Variants in POU2AF1 observed in about 807,000 individuals in gnomAD.
POU2AF1 encodes POU domain class 2-associating factor 1.
A neutral mutation model predicts 26.3 loss-of-function variants in POU2AF1; 12 were observed. The observed-to-expected ratio is 0.46, with a 90% CI of 0.29 to 0.74. The LOEUF is 0.74. POU2AF1 is among the 30% of genes least tolerant of loss of function. The pLI, the probability that POU2AF1 is intolerant of heterozygous loss-of-function variation, is 0.09. For missense variants in POU2AF1, 297 were observed against 334.5 expected (o/e 0.89, Z 0.87); for synonymous variants, 175 against 148.0 (o/e 1.18, Z -1.32).
intron 1 of POU2AF1, chr11:111,364,113 A>G (rs1031148293): frequency 6.4e-5 from 33 of 518,108 alleles, no homozygotes; most frequent in Admixed American, 6.4e-5. Context: ...TGTAGGTACA[A>G]AAAGTCAGCA....
At chr11:111,372,811 A>T (rs1861237991) in intron 1 of POU2AF1, among the ~76,000 whole-genome samples, 1 of 152,226 alleles carries the variant, frequency 6.6e-6, no homozygotes, top group Non-Finnish European at 1.5e-5. Context: ...GTAGATAGAA[A>T]TGGCATCAGA....
In POU2AF1 at chr11:111,356,196, G is replaced by C. The variant is rs376088324; in HGVS notation, c.456+1249C>G. Among the ~76,000 whole-genome samples, 117 of 152,340 alleles carry C rather than the reference G, an allele frequency of 7.7e-4. 1 individual carries two copies. The highest frequency in any genetic ancestry group is 2.7e-3 in the African/African-American group (112 of 41,578). On this transcript the variant is annotated intron_variant, in intron 4 of 4. Coordinates refer to ENST00000393067, the MANE Select transcript of POU2AF1 (RefSeq NM_006235.3). ...GGGATAAATAATGAAAGGAATCCTTGGTAATGAAATGGGTGGGAGCCGTGA... is the reference window on the plus strand; with the variant it reads ...GGGATAAATAATGAAAGGAATCCTTCGTAATGAAATGGGTGGGAGCCGTGA...
chr11:111,358,693 C>CAT (rs1860938537), intron 2 of POU2AF1, 95 bp downstream of exon 2: 2 of 1,160,388 alleles, frequency 1.7e-6, no homozygotes, highest in Non-Finnish European at 2.4e-6. Flanking sequence ...CACGCATACA[C>CAT]ATACTCACAC....
At position 111,377,200 on chromosome 11, in the gene POU2AF1, C is replaced by G. The variant is rs188654263; in HGVS notation, c.16+1962G>C. Among the ~76,000 whole-genome samples the G allele has an allele frequency of 2.5e-3, 343 of 137,354 alleles. 1 individual carries two copies. Among genetic ancestry groups the G allele is most frequent in the Middle Eastern group, 0.018 (5 of 278 alleles). The allele number at this position is 137,354 out of a possible 152,430, so 90.1% of individuals were successfully genotyped here. On this transcript the variant is annotated intron_variant, in intron 1 of 4. Transcript: ENST00000393067. ...CAGGCTGAACAACATAGTAAAACACCATCTCTACTAAAAATACAAAAAAAA... is the reference window on the plus strand; with the variant it reads ...CAGGCTGAACAACATAGTAAAACACGATCTCTACTAAAAATACAAAAAAAA...
chr11:111,363,313 T>G, intron 1 of POU2AF1: 4 of 1,025,674 alleles, frequency 3.9e-6, no homozygotes, highest in Non-Finnish European at 4.7e-6. Flanking sequence ...GTGCTTCTCA[T>G]AGTGACTTTG....
At position 111,353,060 on chromosome 11, in the gene POU2AF1, A is replaced by C; in HGVS notation, c.*1201T>G. The C allele has an allele frequency of 4.7e-6, 1 of 214,646 alleles. No homozygotes were observed. 13.3% of individuals were successfully genotyped at this position (214,646 alleles called of 1,614,324 possible). A position where few individuals can be genotyped will look rare whatever the true frequency, so the allele number is the denominator to read the frequency against. On this transcript the variant is annotated 3_prime_UTR_variant, in exon 5 of 5. Coordinates refer to ENST00000393067, the MANE Select transcript of POU2AF1 (RefSeq NM_006235.3). ...AAGGAAGGAAGGAAGGAAGGAAAGA[A>C]ACAAAACCCACATGGTAGCACTAAG...
intron 1 of POU2AF1, among the ~76,000 whole-genome samples, chr11:111,364,583 A>G (rs7126478): frequency 5.3e-5 from 8 of 152,178 alleles, no homozygotes; most frequent in African/African-American, 1.9e-4. Context: ...ATTCCCTAAA[A>G]CAGCCTCCAA....
intron 1 of POU2AF1, among the ~76,000 whole-genome samples, chr11:111,373,579 T>C (rs1209549254): frequency 6.6e-6 from 1 of 152,218 alleles, no homozygotes; most frequent in Admixed American, 6.5e-5. Flanking sequence ...ACTCAGCAAT[T>C]AGAGCTGGCA....
In POU2AF1 at chr11:111,354,557, G is replaced by A; in HGVS notation, c.475C>T (p.Pro159Ser). Residue 159 changes from proline to serine, a missense_variant, in exon 5 of 5, where the codon CCC (proline) becomes TCC (serine). Coordinates refer to ENST00000393067, the MANE Select transcript of POU2AF1 (RefSeq NM_006235.3). ...TNVTTRSSAT[P>S]AVGPPLEGPE... Reference sequence around the variant, plus strand: ...CCCTCCAGCGGGGGCCCCACTGCGGGCGTGGCGGAGCTTCTTGTCTGTGAC... The same window carrying A: ...CCCTCCAGCGGGGGCCCCACTGCGGACGTGGCGGAGCTTCTTGTCTGTGAC... 1 of 1,531,146 alleles carries A rather than the reference G, an allele frequency of 6.5e-7. No individual in the cohort carries two copies. The highest frequency in any genetic ancestry group is 8.7e-7 in the Non-Finnish European group (1 of 1,145,054). The allele number at this position is 1,531,146 out of a possible 1,614,324, so 94.8% of individuals were successfully genotyped here. A position where few individuals can be genotyped will look rare whatever the true frequency, so the allele number is the denominator to read the frequency against.
At chr11:111,364,017 G>A (rs2135124069) in intron 1 of POU2AF1, 1 of 983,968 alleles carries the variant, frequency 1.0e-6, no homozygotes, top group East Asian at 1.1e-4. Context: ...GGAGTTTGAG[G>A]GGGAAAAAAA....
chr11:111,363,927 C>T (rs577357700), intron 1 of POU2AF1: 101 of 985,278 alleles, frequency 1.0e-4, no homozygotes, highest in Non-Finnish European at 1.2e-4. Context: ...ATGAGCCTCT[C>T]GGCCCTGATT....
chr11:111,363,181 C>G (rs1460881535), intron 1 of POU2AF1: 2 of 1,014,312 alleles, frequency 2.0e-6, no homozygotes, highest in African/African-American at 1.7e-5. Context: ...GTCCCCACCT[C>G]TTCCTATTGA....
chr11:111,358,355 CA>C (rs1340749992), intron 2 of POU2AF1, among the ~76,000 whole-genome samples: 10 of 27,302 alleles, frequency 3.7e-4, no homozygotes, highest in Non-Finnish European at 1.3e-3. Flanking sequence ...CTCACACTCA[CA>C]CTCTCACACA....
intron 2 of POU2AF1, among the ~76,000 whole-genome samples, chr11:111,358,422 T>TCTCA (rs1565360805): frequency 1.7e-5 from 1 of 58,976 alleles, no homozygotes; most frequent in African/African-American, 5.3e-5. Flanking sequence ...ACACACACGC[T>TCTCA]CACACTCTCA....
chr11:111,353,803 T>C lies in POU2AF1; in HGVS notation c.*458A>G. The C allele has an allele frequency of 3.8e-6, 1 of 262,772 alleles. No homozygotes were observed. Among genetic ancestry groups the C allele is most frequent in the Non-Finnish European group, 7.2e-6 (1 of 139,280 alleles). The allele number at this position is 262,772 out of a possible 1,614,324, so 16.3% of individuals were successfully genotyped here. A position where few individuals can be genotyped will look rare whatever the true frequency, so the allele number is the denominator to read the frequency against. On this transcript the variant is annotated 3_prime_UTR_variant, in exon 5 of 5. Transcript: ENST00000393067. The stretch of plus-strand genomic sequence containing the variant: ...CCCATGGACCACAGACTTGGCAACA[T>C]TTGACATAAAATGTTATTGCTAAAA...
In POU2AF1 at chr11:111,354,126, G is replaced by T; in HGVS notation, c.*135C>A. ...AGGAAGAAGGGAAGGAAGGTTTACA[G>T]GTCTACAATTCTAGCTGTGCGTAGA... On this transcript the variant is annotated 3_prime_UTR_variant, in exon 5 of 5. Transcript: ENST00000393067. 1.1e-6 allele frequency: 1 copy of T among 949,652 alleles called. No individual in the cohort carries two copies. Among genetic ancestry groups the T allele is most frequent in the Non-Finnish European group, 1.6e-6 (1 of 644,600 alleles). The allele number at this position is 949,652 out of a possible 1,614,324, so 58.8% of individuals were successfully genotyped here. A position where few individuals can be genotyped will look rare whatever the true frequency, so the allele number is the denominator to read the frequency against.
intron 1 of POU2AF1, among the ~76,000 whole-genome samples, chr11:111,369,137 A>C (rs1211455077): frequency 6.6e-6 from 1 of 152,192 alleles, no homozygotes; most frequent in Non-Finnish European, 1.5e-5. Flanking sequence ...CTTAGGAGAC[A>C]GGGAAGCCAA....
intron 1 of POU2AF1, among the ~76,000 whole-genome samples, chr11:111,371,438 C>T (rs192235810): frequency 6.6e-6 from 1 of 152,232 alleles, no homozygotes; most frequent in East Asian, 1.9e-4. Flanking sequence ...AAAACAAACA[C>T]GAGTTTGCCA....
chr11:111,370,935 G>A (rs1462732174), intron 1 of POU2AF1, among the ~76,000 whole-genome samples: 1 of 152,184 alleles, frequency 6.6e-6, no homozygotes, highest in Non-Finnish European at 1.5e-5. Flanking sequence ...ATTATTGGAT[G>A]GATGCTTAGA....
Sources: allele counts gnomAD v4.1 joint callset (sites outside exome capture counted in the v4.1 genomes callset), GRCh38; gene constraint gnomAD v4.1.1; transcripts MANE v1.5; gene names NCBI Gene and HGNC (gene_info 2026-07-23, HGNC 2026-07-21).